ITGB5: variants seen among roughly 807,000 people sequenced by gnomAD.
The protein encoded by ITGB5 is integrin beta-5.
ITGB5 carries 38 observed loss-of-function variants against 84.8 expected under a neutral mutation model. The observed-to-expected ratio is 0.45, with a 90% CI of 0.35 to 0.59. The LOEUF is 0.59. Among genes scored for constraint, ITGB5 ranks in the 20% least tolerant of loss-of-function variants. ITGB5 has a pLI of 0.01. For missense variants in ITGB5, 905 were observed against 1,034.5 expected, an observed-to-expected ratio of 0.87 and a Z score of 1.72; for synonymous variants, 393 against 414.4, an observed-to-expected ratio of 0.95 and a Z score of 0.63.
chr3:124,859,233 G>A lies in ITGB5; in HGVS notation c.361+9C>T. ...CCAGAGCATCCAGCCCTTTCTGTGG[G>A]CAACTCACCGGGCCGGAGGTTCACG... On this transcript the variant is annotated intron_variant, in intron 3 of 14. Transcript: ENST00000296181. 1 of 1,611,990 alleles carries A rather than the reference G, an allele frequency of 6.2e-7. No homozygotes were observed. Among genetic ancestry groups the A allele is most frequent in the Non-Finnish European group, 8.5e-7 (1 of 1,178,844 alleles).
chr3:124,824,270 G>A (rs1231408714), intron 5 of ITGB5, among the ~76,000 whole-genome samples: 1 of 152,160 alleles, frequency 6.6e-6, no homozygotes, highest in Non-Finnish European at 1.5e-5. Flanking sequence ...GATAGATAGA[G>A]CAAAAATAGA....
intron 8 of ITGB5, among the ~76,000 whole-genome samples, chr3:124,815,623 G>C (rs1260737998): frequency 6.6e-6 from 1 of 152,152 alleles, no homozygotes; most frequent in Non-Finnish European, 1.5e-5. Flanking sequence ...GGCAAGGCAG[G>C]GGTTCTGGCT....
intron 5 of ITGB5, among the ~76,000 whole-genome samples, chr3:124,837,800 C>T (rs2064955442): frequency 6.6e-6 from 1 of 152,202 alleles, no homozygotes; most frequent in Admixed American, 6.5e-5. Flanking sequence ...AAAGAGCTCC[C>T]TGTGGCGCTG....
intron 4 of ITGB5, among the ~76,000 whole-genome samples, chr3:124,842,710 A>G (rs1559963925): frequency 6.6e-6 from 1 of 152,204 alleles, no homozygotes; most frequent in Non-Finnish European, 1.5e-5. Flanking sequence ...GAAAGGCTTT[A>G]TAATCTAATT....
intron 6 of ITGB5, among the ~76,000 whole-genome samples, chr3:124,820,844 A>T (rs1419523912): frequency 6.6e-6 from 1 of 152,130 alleles, no homozygotes; most frequent in Non-Finnish European, 1.5e-5. Context: ...GGGACCTCTC[A>T]TTCCATGCAG....
intron 5 of ITGB5, among the ~76,000 whole-genome samples, chr3:124,831,840 C>T (rs1391028570): frequency 2.0e-5 from 3 of 152,150 alleles, no homozygotes; most frequent in African/African-American, 7.2e-5. Flanking sequence ...AGATCCACCA[C>T]GTGAAAAGCA....
rs2291082 is a variant in ITGB5, at chr3:124,769,002, A to G, written c.2017+11T>C. 375,738 of 1,601,900 alleles carry G rather than the reference A, an allele frequency of 0.23. 49,617 individuals are homozygous for G. The highest frequency in any genetic ancestry group is 0.48 in the African/African-American group (35,879 of 74,696). On this transcript the variant is annotated intron_variant, in intron 12 of 14. Transcript: ENST00000296181. Reference sequence around the variant, plus strand: ...AAACCGTGACTGCCCGGGTGGTGGCAGCACACTCACCGATGGTGTCCACCC... The same window carrying G: ...AAACCGTGACTGCCCGGGTGGTGGCGGCACACTCACCGATGGTGTCCACCC...
chr3:124,852,587 T>C (rs1038313267), intron 3 of ITGB5, among the ~76,000 whole-genome samples: 1 of 152,190 alleles, frequency 6.6e-6, no homozygotes, highest in Non-Finnish European at 1.5e-5. Flanking sequence ...AGCTTTCTTC[T>C]CTTTGCCTTC....
chr3:124,810,257 A>G (rs541799738), intron 8 of ITGB5, among the ~76,000 whole-genome samples: 1 of 152,366 alleles, frequency 6.6e-6, no homozygotes, highest in East Asian at 1.9e-4. Flanking sequence ...AAAGGCATAT[A>G]TATTGTATAA....
In ITGB5 at chr3:124,810,908, T is replaced by TTTTCTTTCTTTCTTTCTTTCTTTC. The variant is rs10644920; in HGVS notation, c.1129-1776_1129-1753dup. On this transcript the variant is annotated intron_variant, in intron 8 of 14. Coordinates refer to ENST00000296181, the MANE Select transcript of ITGB5 (RefSeq NM_002213.5). ...CAGACTTGCCTCTTGCTCTTGTGGGTTTTCTTTCTTTCTTTCTTTCTTTCT... is the reference window on the plus strand; with the variant it reads ...CAGACTTGCCTCTTGCTCTTGTGGGTTTTCTTTCTTTCTTTCTTTCTTTCTTTCTTTCTTTCTTTCTTTCTTTCT... Among the ~76,000 whole-genome samples the TTTTCTTTCTTTCTTTCTTTCTTTC allele has an allele frequency of 2.9e-3, 441 of 150,058 alleles. 3 individuals are homozygous for TTTTCTTTCTTTCTTTCTTTCTTTC. The highest frequency in any genetic ancestry group is 6.8e-3 in the African/African-American group (271 of 40,130).
intron 3 of ITGB5, among the ~76,000 whole-genome samples, chr3:124,855,223 G>A (rs149844750): frequency 1.5e-3 from 221 of 152,242 alleles, no homozygotes; most frequent in African/African-American, 5.2e-3. Context: ...TAAGGCATAA[G>A]AATCGCTTGA....
chr3:124,763,621 C>T lies in ITGB5; in HGVS notation c.*2G>A. The T allele has an allele frequency of 1.9e-6, 3 of 1,572,746 alleles. No individual in the cohort carries two copies. The highest frequency in any genetic ancestry group is 2.7e-5 in the African/African-American group (2 of 74,446). On this transcript the variant is annotated 3_prime_UTR_variant, in exon 15 of 15. Transcript: ENST00000296181. ...CGCTCCAGCCCCTCGGAGAAGGAAA[C>T]ATCAGTCCACAGTGCCATTGTAGGA...
intron 9 of ITGB5, among the ~76,000 whole-genome samples, chr3:124,801,302 A>G (rs573629618): frequency 9.2e-5 from 14 of 152,284 alleles, no homozygotes; most frequent in African/African-American, 3.4e-4. Context: ...AAGGGAGGAA[A>G]ATTAGGGAAA....
At chr3:124,799,653 ATC>A (rs1167912659) in intron 9 of ITGB5, among the ~76,000 whole-genome samples, 4 of 151,868 alleles carry the variant, frequency 2.6e-5, no homozygotes, top group African/African-American at 9.7e-5. Context: ...TTCCACAAGC[ATC>A]TCTTTTAAAT....
chr3:124,835,173 T>C (rs2064916336), intron 5 of ITGB5, among the ~76,000 whole-genome samples: 1 of 151,676 alleles, frequency 6.6e-6, no homozygotes, highest in Non-Finnish European at 1.5e-5. Flanking sequence ...CCACGTGCCC[T>C]GTTCACGATA....
In ITGB5 at chr3:124,873,531, C is replaced by G; in HGVS notation, c.71G>C (p.Gly24Ala). ...GLCALLPRLA[G>A]LNICTSGSAT... ...ACTTCCACTAGTGCATATGTTGAGA[C>G]CTTTAAAGCAAGATAAAGATGCACT... Residue 24 changes from glycine to alanine, a missense_variant and splice_region_variant, in exon 2 of 15, where the codon GGT becomes GCT. Gly to Ala is a moderately conservative substitution (Grantham distance 60, BLOSUM62 0). Transcript: ENST00000296181. 1 of 1,610,308 alleles carries G rather than the reference C, an allele frequency of 6.2e-7. No individual in the cohort carries two copies. The highest frequency in any genetic ancestry group is 1.3e-5 in the African/African-American group (1 of 74,868).
intron 5 of ITGB5, among the ~76,000 whole-genome samples, chr3:124,834,927 TGGA>T (rs2064911822): frequency 1.3e-5 from 2 of 152,076 alleles, no homozygotes; most frequent in African/African-American, 4.8e-5. Context: ...CTTTGCTCAG[TGGA>T]CATTCCAAGC....
rs182467214 is a variant in ITGB5 at position 124,785,884 on chromosome 3, G to C, written c.1693+10504C>G. Among the ~76,000 whole-genome samples, 6 of 152,274 alleles carry C rather than the reference G, an allele frequency of 3.9e-5. No homozygotes were observed. In the East Asian group the frequency reaches 1.2e-3, roughly 29 times the overall value. ...GCTTATAAGGTAGGACTTGGAAAAT[G>C]TAGGCTAAGTGCCAGGGTGGTGGGA... On this transcript the variant is annotated intron_variant, in intron 10 of 14. Coordinates refer to ENST00000296181, the MANE Select transcript of ITGB5 (RefSeq NM_002213.5).
At chr3:124,795,997 A>G (rs1158109528) in intron 10 of ITGB5, among the ~76,000 whole-genome samples, 3 of 152,184 alleles carry the variant, frequency 2.0e-5, no homozygotes, top group Non-Finnish European at 4.4e-5. Flanking sequence ...GCAATAAGAT[A>G]TGAGTTCATT....
Sources: allele counts gnomAD v4.1 joint callset (sites outside exome capture counted in the v4.1 genomes callset), GRCh38; gene constraint gnomAD v4.1.1; transcripts MANE v1.5; gene names NCBI Gene and HGNC (gene_info 2026-07-23, HGNC 2026-07-21).